The following NELL2 variants were observed in gnomAD, a reference collection of about 807,000 sequenced individuals.
The protein encoded by NELL2 is protein kinase C-binding protein NELL2.
NELL2 carries 41 observed loss-of-function variants against 109.6 expected under a neutral mutation model. That is an observed-to-expected ratio of 0.37 (90% CI 0.29 to 0.49). The LOEUF (loss-of-function observed/expected upper bound fraction) is 0.49. Among genes scored for constraint, NELL2 ranks in the 20% least tolerant of loss-of-function variants. The pLI is 0.98. For synonymous variants in NELL2, 355 were observed against 344.7 expected (o/e 1.03, Z -0.33); for missense variants, 900 against 1,008.3 (o/e 0.89, Z 1.45).
At chr12:44,554,431 AG>A (rs1386004790) in intron 15 of NELL2, among the ~76,000 whole-genome samples, 2 of 152,176 alleles carry the variant, frequency 1.3e-5, no homozygotes, top group Non-Finnish European at 2.9e-5. Flanking sequence ...AAAGCAAATC[AG>A]GGGTTGTCTA....
At chr12:44,911,721 A>G (rs1945781825) in intron 1 of NELL2, among the ~76,000 whole-genome samples, 2 of 151,930 alleles carry the variant, frequency 1.3e-5, no homozygotes, top group Admixed American at 6.6e-5. Context: ...CCTTCGAGTC[A>G]CCGATAAACA....
intron 3 of NELL2, among the ~76,000 whole-genome samples, chr12:44,781,978 TA>T (rs1307331732): frequency 6.6e-6 from 1 of 151,828 alleles, no homozygotes; most frequent in Non-Finnish European, 1.5e-5. Context: ...ACATAGTATG[TA>T]AAAAAGAAAA....
intron 13 of NELL2, among the ~76,000 whole-genome samples, chr12:44,632,075 G>T (rs6582511): frequency 0.17 from 26,110 of 151,934 alleles, 3,473 homozygotes; most frequent in African/African-American, 0.37. Context: ...AGAAAAATTA[G>T]ATGACCATCT....
intron 13 of NELL2, among the ~76,000 whole-genome samples, chr12:44,619,103 A>G (rs181512646): frequency 7.2e-5 from 11 of 152,288 alleles, no homozygotes; most frequent in Middle Eastern, 3.4e-3. Context: ...GGAAAGCATT[A>G]CATGGGAAAC....
intron 2 of NELL2, among the ~76,000 whole-genome samples, chr12:44,834,606 G>C (rs1213204871): frequency 1.3e-5 from 2 of 152,166 alleles, no homozygotes; most frequent in Non-Finnish European, 2.9e-5. Context: ...CGCAGGGCAG[G>C]GGTGGGGCAC....
chr12:44,727,123 A>T (rs1010312694), intron 9 of NELL2, among the ~76,000 whole-genome samples: 1 of 152,154 alleles, frequency 6.6e-6, no homozygotes, highest in African/African-American at 2.4e-5. Context: ...GATCACACTT[A>T]GAGTAGCAAG....
At chr12:44,795,905 A>G (rs1481497063) in intron 3 of NELL2, among the ~76,000 whole-genome samples, 2 of 152,128 alleles carry the variant, frequency 1.3e-5, no homozygotes, top group Non-Finnish European at 2.9e-5. Context: ...CTTATTAGAA[A>G]TATCTTTTCT....
At chr12:44,585,501 C>T (rs1449816501) in intron 15 of NELL2, among the ~76,000 whole-genome samples, 1 of 151,784 alleles carries the variant, frequency 6.6e-6, no homozygotes. Context: ...ACTCAGGAGG[C>T]TGAGGCAGGA....
chr12:44,868,959 T>C (rs1237455373), intron 2 of NELL2, among the ~76,000 whole-genome samples: 2 of 152,214 alleles, frequency 1.3e-5, no homozygotes, highest in African/African-American at 2.4e-5. Flanking sequence ...ACAATGTATA[T>C]TTCAAAATAT....
chr12:44,826,406 G>A (rs1452517841), intron 2 of NELL2, among the ~76,000 whole-genome samples: 1 of 152,134 alleles, frequency 6.6e-6, no homozygotes, highest in Non-Finnish European at 1.5e-5. Context: ...AATATATTGA[G>A]TTAAAACTAT....
intron 2 of NELL2, among the ~76,000 whole-genome samples, chr12:44,828,059 AT>A (rs935060807): frequency 2.0e-5 from 3 of 152,166 alleles, no homozygotes; most frequent in African/African-American, 7.2e-5. Context: ...TTCTCTGATG[AT>A]CAATGATGTT....
intron 12 of NELL2, among the ~76,000 whole-genome samples, chr12:44,671,256 C>T (rs967495135): frequency 1.3e-5 from 2 of 152,058 alleles, no homozygotes; most frequent in African/African-American, 4.8e-5. Context: ...AAAATGAAAG[C>T]ACAACACAGC....
At chr12:44,526,942 C>T (rs187983248) in intron 16 of NELL2, among the ~76,000 whole-genome samples, 61 of 152,262 alleles carry the variant, frequency 4.0e-4, no homozygotes, top group Middle Eastern at 6.8e-3. Context: ...GCCCTTCATA[C>T]GCATGTTCAA....
intron 9 of NELL2, among the ~76,000 whole-genome samples, chr12:44,767,734 CA>C (rs1420789320): frequency 1.3e-5 from 2 of 151,184 alleles, no homozygotes; most frequent in Non-Finnish European, 2.9e-5. Flanking sequence ...ATGTTATTAA[CA>C]AAAAAACAAA....
upstream of NELL2, among the ~76,000 whole-genome samples, chr12:44,914,310 G>A (rs781476583): frequency 2.0e-5 from 3 of 151,896 alleles, no homozygotes; most frequent in African/African-American, 7.3e-5. Context: ...AGTCTCCCCC[G>A]TATCCTTACT....
intron 12 of NELL2, among the ~76,000 whole-genome samples, chr12:44,667,324 T>A (rs923211483): frequency 2.0e-5 from 3 of 152,214 alleles, no homozygotes; most frequent in Non-Finnish European, 2.9e-5. Flanking sequence ...ATGCAATGAT[T>A]TTTTTAAAAA....
chr12:44,788,878 T>C (rs904572201), intron 3 of NELL2, among the ~76,000 whole-genome samples: 13 of 152,086 alleles, frequency 8.5e-5, no homozygotes, highest in African/African-American at 2.9e-4. Flanking sequence ...GTGAGGCCTG[T>C]GACTGCCAGC....
chr12:44,530,251 A>T (rs1941980318), intron 16 of NELL2, among the ~76,000 whole-genome samples: 1 of 152,202 alleles, frequency 6.6e-6, no homozygotes, highest in African/African-American at 2.4e-5. Flanking sequence ...ATCTCTTTTG[A>T]CTACTTCTGT....
chr12:44,757,624 C>A (rs1215330842), intron 9 of NELL2, among the ~76,000 whole-genome samples: 1 of 152,090 alleles, frequency 6.6e-6, no homozygotes, highest in Non-Finnish European at 1.5e-5. Context: ...CTGAAAAAAA[C>A]AGGCACTTCC....
Sources: allele counts gnomAD v4.1 joint callset (sites outside exome capture counted in the v4.1 genomes callset), GRCh38; gene constraint gnomAD v4.1.1; transcripts MANE v1.5; gene names NCBI Gene and HGNC (gene_info 2026-07-23, HGNC 2026-07-21).